The following GATAD2B variants were observed in gnomAD, a reference collection of about 807,000 sequenced individuals.
GATAD2B encodes the protein transcriptional repressor p66-beta.
A neutral mutation model predicts 64.3 loss-of-function variants in GATAD2B; 8 were observed. The observed-to-expected ratio is 0.12, with a 90% CI of 0.07 to 0.22. GATAD2B has a LOEUF of 0.22. Among genes scored for constraint, GATAD2B ranks in the 10% least tolerant of loss-of-function variants. The pLI is 1.00. For synonymous variants in GATAD2B, 281 were observed against 271.3 expected (o/e 1.04, Z -0.35); for missense variants, 453 against 752.0 (o/e 0.60, Z 4.65).
At chr1:153,881,195 G>A (rs1411153673) in intron 1 of GATAD2B, among the ~76,000 whole-genome samples, 3 of 152,116 alleles carry the variant, frequency 2.0e-5, no homozygotes, top group Non-Finnish European at 4.4e-5. Flanking sequence ...CCCCTGGCAT[G>A]ATGCCAACAC....
rs192347370 is a variant in GATAD2B, at chr1:153,905,715, T to C, written c.-2+17018A>G. The stretch of plus-strand genomic sequence containing the variant: ...GGGAGGCTGAAGCAGGAAAACTGCT[T>C]GAGCCCAGGAGTTTGAAACCATGCC... On this transcript the variant is annotated intron_variant, in intron 1 of 10. Transcript: ENST00000368655. Among the ~76,000 whole-genome samples the C allele has an allele frequency of 2.0e-3, 299 of 149,190 alleles. 11 individuals carry two copies. Among genetic ancestry groups the C allele is most frequent in the Admixed American group, 0.019 (277 of 14,806 alleles).
intron 1 of GATAD2B, among the ~76,000 whole-genome samples, chr1:153,854,123 C>G (rs1463726749): frequency 6.6e-6 from 1 of 152,110 alleles, no homozygotes; most frequent in Non-Finnish European, 1.5e-5. Flanking sequence ...AGCCTTTAGG[C>G]CAGGCACGGT....
intron 1 of GATAD2B, among the ~76,000 whole-genome samples, chr1:153,856,494 G>A (rs536611032): frequency 5.9e-5 from 9 of 152,114 alleles, no homozygotes; most frequent in African/African-American, 1.9e-4. Context: ...GCTGTTGCTC[G>A]TACTACTCTA....
At chr1:153,824,611 T>TA (rs1674804483) in intron 2 of GATAD2B, among the ~76,000 whole-genome samples, 1 of 39,770 alleles carries the variant, frequency 2.5e-5, no homozygotes, top group Non-Finnish European at 7.2e-5. Context: ...GACTCTGCCT[T>TA]TAAAAAAAAA....
At chr1:153,812,970 TTA>T (rs1386564089) in intron 8 of GATAD2B, among the ~76,000 whole-genome samples, 1 of 152,242 alleles carries the variant, frequency 6.6e-6, no homozygotes, top group Non-Finnish European at 1.5e-5. Flanking sequence ...CCAAAATCTA[TTA>T]TTTGTTTTAG....
At chr1:153,849,253 C>T (rs1675802177) in intron 1 of GATAD2B, among the ~76,000 whole-genome samples, 1 of 152,216 alleles carries the variant, frequency 6.6e-6, no homozygotes, top group African/African-American at 2.4e-5. Flanking sequence ...TGGTGAAGAC[C>T]TTCTTGCCAT....
intron 1 of GATAD2B, among the ~76,000 whole-genome samples, chr1:153,853,787 T>C (rs1675990718): frequency 1.3e-5 from 2 of 152,236 alleles, no homozygotes; most frequent in Admixed American, 6.5e-5. Context: ...TTGTGTACAG[T>C]ACAAGATAAT....
At chr1:153,912,704 T>C (rs2101969573) in intron 1 of GATAD2B, among the ~76,000 whole-genome samples, 1 of 152,342 alleles carries the variant, frequency 6.6e-6, no homozygotes, top group South Asian at 2.1e-4. Flanking sequence ...GCAAATTTTT[T>C]CAATTTCTTT....
At chr1:153,838,593 C>T (rs910212694) in intron 1 of GATAD2B, among the ~76,000 whole-genome samples, 1 of 151,984 alleles carries the variant, frequency 6.6e-6, no homozygotes, top group Non-Finnish European at 1.5e-5. Flanking sequence ...CCTGGGCCCC[C>T]GGGTTCAAGC....
At chr1:153,910,758 CAATA>C (rs1037950592) in intron 1 of GATAD2B, among the ~76,000 whole-genome samples, 8 of 151,816 alleles carry the variant, frequency 5.3e-5, no homozygotes, top group South Asian at 2.1e-4. Context: ...TAAATAAATA[CAATA>C]AATAAATAAA....
intron 1 of GATAD2B, among the ~76,000 whole-genome samples, chr1:153,895,627 G>A (rs1677565419): frequency 6.6e-6 from 1 of 151,856 alleles, no homozygotes. Flanking sequence ...AAAAAGAACG[G>A]AGACATCTGA....
chr1:153,847,383 A>G (rs796649676), intron 1 of GATAD2B, among the ~76,000 whole-genome samples: 3 of 152,260 alleles, frequency 2.0e-5, no homozygotes, highest in African/African-American at 7.2e-5. Context: ...GTAGATAAGT[A>G]AAAAAGACCA....
At chr1:153,908,482 CTT>C (rs35572683) in intron 1 of GATAD2B, among the ~76,000 whole-genome samples, 1 of 146,628 alleles carries the variant, frequency 6.8e-6, no homozygotes. Flanking sequence ...CAGAAACATA[CTT>C]TTTTTTTTTT....
chr1:153,857,444 A>ATG (rs373680299), intron 1 of GATAD2B, among the ~76,000 whole-genome samples: 7 of 151,826 alleles, frequency 4.6e-5, no homozygotes, highest in African/African-American at 7.3e-5. Context: ...AGACTCTCAA[A>ATG]TGTGTGTGTG....
Position 153,816,220 on chromosome 1 carries a change from T to C in GATAD2B, c.1216+53A>G. On this transcript the variant is annotated intron_variant, in intron 7 of 10. Transcript: ENST00000368655. The surrounding 1 kb of genome is among the most constrained non-coding windows in gnomAD (Gnocchi z 4.9). ...CCCTCTGATACTCTGCCTATGTCAA[T>C]CAGGCTTGGCAACCACTTGCTTAAA... The C allele has an allele frequency of 8.3e-7, 1 of 1,201,676 alleles. No homozygotes were observed. The highest frequency in any genetic ancestry group is 1.3e-5 in the South Asian group (1 of 77,500). The allele number at this position is 1,201,676 out of a possible 1,614,324, so 74.4% of individuals were successfully genotyped here.
intron 1 of GATAD2B, among the ~76,000 whole-genome samples, chr1:153,853,879 A>G (rs771274041): frequency 2.6e-5 from 4 of 152,000 alleles, no homozygotes; most frequent in Non-Finnish European, 5.9e-5. Context: ...TCCTTTCCTT[A>G]TTGTATATTC....
intron 1 of GATAD2B, among the ~76,000 whole-genome samples, chr1:153,909,736 G>A (rs1360578553): frequency 1.7e-4 from 25 of 148,172 alleles, no homozygotes; most frequent in African/African-American, 5.2e-4. Flanking sequence ...TCAGGAGTTC[G>A]AGACCAGCCT....
rs770673827 is a variant in GATAD2B, at chr1:153,810,301, A to G, written c.1658T>C (p.Ile553Thr). The G allele has an allele frequency of 6.2e-7, 1 of 1,613,146 alleles. No homozygotes were observed. Among genetic ancestry groups the G allele is most frequent in the Non-Finnish European group, 8.5e-7 (1 of 1,179,704 alleles). ...TCCGATGCCAGTATTCAAGTATGCA[A>G]TGTTGACACCTGGACCCAGGAGACA... ...GGLLGMPGVN[I>T]AYLNTGIGGH... Residue 553 changes from isoleucine (I) to threonine (T), a missense_variant, in exon 11 of 11, where the codon ATT becomes ACT. Coordinates refer to ENST00000368655, the MANE Select transcript of GATAD2B (RefSeq NM_020699.4).
At chr1:153,903,952 C>G (rs1677852822) in intron 1 of GATAD2B, among the ~76,000 whole-genome samples, 1 of 152,120 alleles carries the variant, frequency 6.6e-6, no homozygotes, top group Non-Finnish European at 1.5e-5. Flanking sequence ...CCACTGCACT[C>G]CAGCGTTGGC....
Sources: gnomAD v4.1 joint callset for allele counts (sites outside exome capture counted in the v4.1 genomes callset) on GRCh38, gnomAD v4.1.1 for gene constraint, Gnocchi (gnomAD v3.1) non-coding constraint, MANE v1.5 for transcripts, NCBI Gene and HGNC (gene_info 2026-07-23, HGNC 2026-07-21) for gene names.